The following USP50 variants were observed in gnomAD, a reference collection of about 807,000 sequenced individuals.
USP50 encodes the protein ubiquitin carboxyl-terminal hydrolase 50.
A neutral mutation model predicts 39.2 loss-of-function variants in USP50; 37 were observed. The ratio of observed to expected loss-of-function variants is 0.94; its 90% CI spans 0.73 to 1.24. The LOEUF (loss-of-function observed/expected upper bound fraction) is 1.24. Among genes scored for constraint, USP50 ranks in the 50% most tolerant of loss-of-function variants. The pLI is 0.00. For synonymous variants in USP50, 139 were observed against 144.5 expected, an observed-to-expected ratio of 0.96 and a Z score of 0.27; for missense variants, 374 against 398.2, an observed-to-expected ratio of 0.94 and a Z score of 0.52.
At chr15:50,546,155 G>A (rs984644204) in intron 1 of USP50, among the ~76,000 whole-genome samples, 1 of 151,812 alleles carries the variant, frequency 6.6e-6, no homozygotes, top group African/African-American at 2.4e-5. Context: ...TAAAGTTGGG[G>A]CTCCATGAGA....
At chr15:50,499,240 G>A (rs553271163), downstream of USP50, 13 of 591,494 alleles carry the variant, frequency 2.2e-5, no homozygotes, top group East Asian at 3.3e-4. Flanking sequence ...ATTCCGGTCA[G>A]TGCTGACAAA....
chr15:50,545,458 C>T (rs995896463), intron 1 of USP50, among the ~76,000 whole-genome samples: 2 of 151,466 alleles, frequency 1.3e-5, no homozygotes, highest in African/African-American at 4.9e-5. Context: ...TGTTTACCTC[C>T]CTCCCTCTCT....
intron 5 of USP50, among the ~76,000 whole-genome samples, chr15:50,537,728 C>G (rs530145855): frequency 6.6e-6 from 1 of 150,778 alleles, no homozygotes; most frequent in Non-Finnish European, 1.5e-5. Flanking sequence ...GGCGTGGTGG[C>G]GGGTGCCTGT....
At chr15:50,525,582 ATATG>A (rs1230794398) in intron 6 of USP50, among the ~76,000 whole-genome samples, 1 of 112,888 alleles carries the variant, frequency 8.9e-6, no homozygotes, top group African/African-American at 3.2e-5. Context: ...GTATATGTAT[ATATG>A]TATATGTATA....
intron 6 of USP50, among the ~76,000 whole-genome samples, chr15:50,515,833 CAA>C (rs1226129216): frequency 6.6e-6 from 1 of 151,976 alleles, no homozygotes; most frequent in Non-Finnish European, 1.5e-5. Flanking sequence ...AAGTGTGTGT[CAA>C]TGCATTCTAC....
At chr15:50,497,358 A>G (rs1365173123), downstream of USP50, 6 of 1,182,462 alleles carry the variant, frequency 5.1e-6, no homozygotes, top group Non-Finnish European at 6.7e-6. Flanking sequence ...TGGTTACAGT[A>G]GATCTAGGGA....
At chr15:50,498,569 GTGTAAT>G, downstream of USP50, 1 of 1,587,008 alleles carries the variant, frequency 6.3e-7, no homozygotes, top group Non-Finnish European at 8.6e-7. Context: ...TCCTCTGTCA[GTGTAAT>G]TGTAATGTTT....
Position 50,517,448 on chromosome 15 carries a change from G to A in USP50, c.936+12349C>T, listed in dbSNP as rs78245009. On this transcript the variant is annotated intron_variant, in intron 6 of 6. Coordinates refer to ENST00000532404, the MANE Select transcript of USP50 (RefSeq NM_203494.5). Reference sequence around the variant, plus strand: ...GATCACACCATTGGACTCCAGCCTAGGCAACAAGAGCAAAACTCCATCTCA... The same window carrying A: ...GATCACACCATTGGACTCCAGCCTAAGCAACAAGAGCAAAACTCCATCTCA... 2.0e-3 allele frequency among the ~76,000 whole-genome samples: 304 copies of A among 149,274 alleles called. 8 individuals carry two copies. In the East Asian group the frequency reaches 0.049, roughly 24 times the overall value.
intron 6 of USP50, among the ~76,000 whole-genome samples, chr15:50,515,898 G>A (rs543809652): frequency 1.3e-5 from 2 of 152,126 alleles, no homozygotes; most frequent in East Asian, 3.9e-4. Flanking sequence ...CCCAGCAACA[G>A]GAGAAATGAT....
intron 5 of USP50, among the ~76,000 whole-genome samples, chr15:50,532,392 G>A (rs1342405443): frequency 6.6e-6 from 1 of 152,124 alleles, no homozygotes; most frequent in Non-Finnish European, 1.5e-5. Context: ...GCCCACTCTA[G>A]CCATCCTGTT....
intron 6 of USP50, among the ~76,000 whole-genome samples, chr15:50,520,938 A>G (rs2052845081): frequency 6.6e-6 from 1 of 152,240 alleles, no homozygotes; most frequent in African/African-American, 2.4e-5. Flanking sequence ...ATAACTGCAT[A>G]TTATTTGTAT....
chr15:50,515,947 GAATGTACT>G (rs1424689718), intron 6 of USP50, among the ~76,000 whole-genome samples: 3 of 152,160 alleles, frequency 2.0e-5, no homozygotes. Flanking sequence ...CAGTTCAAAT[GAATGTACT>G]AAAGCTAACG....
intron 3 of USP50, among the ~76,000 whole-genome samples, chr15:50,542,768 C>A (rs1038719197): frequency 1.3e-5 from 2 of 152,058 alleles, no homozygotes. Flanking sequence ...GGATTACAGA[C>A]GCGAACCACA....
intron 6 of USP50, among the ~76,000 whole-genome samples, chr15:50,523,805 A>G (rs2052868819): frequency 6.6e-6 from 1 of 152,238 alleles, no homozygotes; most frequent in African/African-American, 2.4e-5. Flanking sequence ...TGCAATGACA[A>G]AAGACCTCAA....
chr15:50,530,079 G>T, intron 5 of USP50, 150 bp from the exon 6 acceptor site: 1 of 1,051,270 alleles, frequency 9.5e-7, no homozygotes, highest in Non-Finnish European at 1.4e-6. Flanking sequence ...GGCCAAGGTG[G>T]ACATATCCCT....
intron 1 of USP50, 67 bp downstream of exon 1, chr15:50,546,406 G>A: frequency 6.4e-7 from 1 of 1,557,516 alleles, no homozygotes; most frequent in South Asian, 1.1e-5. Flanking sequence ...TGTGTCCCCT[G>A]ACTCCTCTGA....
At chr15:50,522,920 T>A (rs1042581338) in intron 6 of USP50, among the ~76,000 whole-genome samples, 1 of 152,066 alleles carries the variant, frequency 6.6e-6, no homozygotes, top group African/African-American at 2.4e-5. Context: ...AGTGCTGGGA[T>A]TACAGGAATG....
intron 1 of USP50, 74 bp from the exon 2 acceptor site, chr15:50,544,855 A>C (rs2053059597): frequency 7.4e-7 from 1 of 1,357,346 alleles, no homozygotes; most frequent in Admixed American, 2.3e-5. Context: ...AGCTTCTCTT[A>C]ATATTATGAA....
In USP50 at chr15:50,546,497, T is replaced by A. The variant is rs1028559342; in HGVS notation, c.29A>T (p.Asp10Val). MTSQPSLPA[D>V]DFDIYHVLAE... ...CAGGACGTGGTAGATATCGAAGTCA[T>A]CTGCAGGGAGAGACGGCTGAGAAGT... The change falls in exon 1 of 7, where the codon GAT becomes GTT. Residue 10 changes from aspartate (D) to valine (V), a missense_variant. By Grantham distance (152) the Asp-to-Val change is radical. Transcript: ENST00000532404. 1 of 1,613,762 alleles carries A rather than the reference T, an allele frequency of 6.2e-7. No homozygotes were observed. The highest frequency in any genetic ancestry group is 1.3e-5 in the African/African-American group (1 of 75,056).
Sources: allele counts gnomAD v4.1 joint callset (sites outside exome capture counted in the v4.1 genomes callset), GRCh38; gene constraint gnomAD v4.1.1; transcripts MANE v1.5; gene names NCBI Gene and HGNC (gene_info 2026-07-23, HGNC 2026-07-21).